CDH13: variants seen among roughly 807,000 people sequenced by gnomAD.
CDH13 encodes cadherin 13.
In CDH13, 24 loss-of-function variants were observed where a neutral mutation model predicts 63.8. That is an observed-to-expected ratio of 0.38 (90% confidence interval 0.27 to 0.53). CDH13 has a LOEUF of 0.53. Ranked by LOEUF, CDH13 falls within the 20% of genes least tolerant of loss-of-function variation. The probability of loss-of-function intolerance (pLI) is 0.85; values close to 1 mark genes in which losing one functional copy is unlikely to be tolerated. For missense variants in CDH13, 1,049 were observed against 903.1 expected (o/e 1.16, Z -2.07); for synonymous variants, 503 against 355.3 (o/e 1.42, Z -4.67).
chr16:83,012,707 A>T (rs1204610474), intron 2 of CDH13, among the ~76,000 whole-genome samples: 1 of 152,176 alleles, frequency 6.6e-6, no homozygotes, highest in African/African-American at 2.4e-5. Flanking sequence ...AAATTAAATT[A>T]TTCCTTTTGA....
chr16:83,241,560 A>G (rs568883711), intron 5 of CDH13, among the ~76,000 whole-genome samples: 1 of 152,148 alleles, frequency 6.6e-6, no homozygotes, highest in African/African-American at 2.4e-5. Context: ...TATGGTTTTG[A>G]TTTGCATTTC....
intron 1 of CDH13, 98 bp downstream of exon 1, chr16:82,627,235 C>G: frequency 9.4e-7 from 1 of 1,059,312 alleles, no homozygotes. Flanking sequence ...GGGTCGGGGC[C>G]TCCGGTCGCG....
chr16:83,293,738 G>C (rs778675449), intron 5 of CDH13, among the ~76,000 whole-genome samples: 52 of 152,148 alleles, frequency 3.4e-4, no homozygotes, highest in Non-Finnish European at 7.1e-4. Flanking sequence ...ACAAATTTTA[G>C]TCATGAACCG....
rs369072006 is a variant in CDH13, at chr16:83,014,842, GTA to G, written c.158-17158_158-17157del. Reference sequence around the variant, plus strand: ...TATATATATATTTGTATATATATTTGTATATATATATTTGTATATATATATGT... The same window carrying G: ...TATATATATATTTGTATATATATTTGTATATATATTTGTATATATATATGT... On this transcript the variant is annotated intron_variant, in intron 2 of 13. Coordinates refer to ENST00000567109, the MANE Select transcript of CDH13 (RefSeq NM_001257.5). Among the ~76,000 whole-genome samples the G allele has an allele frequency of 5.5e-3, 196 of 35,814 alleles. 2 individuals are homozygous for G. The East Asian group carries it at 0.072, about 13-fold the overall frequency. The allele number at this position is 35,814 out of a possible 152,430, so 23.5% of individuals were successfully genotyped here. A position where few individuals can be genotyped will look rare whatever the true frequency, so the allele number is the denominator to read the frequency against.
chr16:83,280,646 C>A (rs2089141871), intron 5 of CDH13, among the ~76,000 whole-genome samples: 1 of 152,010 alleles, frequency 6.6e-6, no homozygotes, highest in Non-Finnish European at 1.5e-5. Context: ...TTACTTTGCC[C>A]AGATCCATCA....
At chr16:83,101,713 G>T (rs2034487151) in intron 3 of CDH13, among the ~76,000 whole-genome samples, 1 of 152,206 alleles carries the variant, frequency 6.6e-6, no homozygotes. Context: ...ATAATCAATT[G>T]AACCTGGGAG....
At chr16:82,752,956 C>T (rs1221946798) in intron 1 of CDH13, among the ~76,000 whole-genome samples, 1 of 152,182 alleles carries the variant, frequency 6.6e-6, no homozygotes, top group Non-Finnish European at 1.5e-5. Context: ...AGATAACAGT[C>T]AAATACATTT....
intron 5 of CDH13, among the ~76,000 whole-genome samples, chr16:83,254,604 C>T (rs1279415192): frequency 6.6e-6 from 1 of 152,166 alleles, no homozygotes; most frequent in Non-Finnish European, 1.5e-5. Flanking sequence ...TTGTTTTTAT[C>T]TGCTTGTACT....
chr16:82,798,314 A>G (rs1408277883), intron 1 of CDH13, among the ~76,000 whole-genome samples: 1 of 152,124 alleles, frequency 6.6e-6, no homozygotes, highest in African/African-American at 2.4e-5. Context: ...TAATATTAGA[A>G]CTCAGGTCTG....
intron 8 of CDH13, chr16:83,655,364 G>C (rs1238682088): frequency 1.3e-5 from 2 of 152,288 alleles, no homozygotes; most frequent in African/African-American, 4.8e-5. Flanking sequence ...AAGTACCGAG[G>C]CTTACAGAGG....
chr16:82,775,579 T>G (rs550509319), intron 1 of CDH13, among the ~76,000 whole-genome samples: 1 of 152,130 alleles, frequency 6.6e-6, no homozygotes, highest in East Asian at 1.9e-4. Context: ...TACTCTGTTA[T>G]CCCCCATTTT....
intron 3 of CDH13, among the ~76,000 whole-genome samples, chr16:83,037,730 G>C (rs767018363): frequency 6.6e-6 from 1 of 152,184 alleles, no homozygotes; most frequent in South Asian, 2.1e-4. Flanking sequence ...CAGCATAGTG[G>C]TGGGAGTTTT....
chr16:83,575,701 T>A (rs1001094797), intron 7 of CDH13, among the ~76,000 whole-genome samples: 11 of 152,202 alleles, frequency 7.2e-5, no homozygotes, highest in African/African-American at 2.7e-4. Flanking sequence ...TTGAGAAGCT[T>A]CCTGGTCTCT....
At chr16:83,501,527 A>G (rs1365123058) in intron 7 of CDH13, among the ~76,000 whole-genome samples, 1 of 152,240 alleles carries the variant, frequency 6.6e-6, no homozygotes, top group East Asian at 1.9e-4. Context: ...TGTTGTGCTC[A>G]GCATTGGACA....
intron 6 of CDH13, among the ~76,000 whole-genome samples, chr16:83,447,974 G>A (rs2072761643): frequency 6.6e-6 from 1 of 151,956 alleles, no homozygotes; most frequent in African/African-American, 2.4e-5. Context: ...AGATTGCTCT[G>A]GGAGTTTTCA....
At chr16:82,694,836 G>C (rs1384408848) in intron 1 of CDH13, among the ~76,000 whole-genome samples, 1 of 152,214 alleles carries the variant, frequency 6.6e-6, no homozygotes, top group African/African-American at 2.4e-5. Context: ...AAAGTGGACA[G>C]CTGTGGTCTC....
chr16:83,666,850 C>G (rs1038680696), intron 8 of CDH13, among the ~76,000 whole-genome samples: 4 of 151,160 alleles, frequency 2.6e-5, no homozygotes, highest in South Asian at 2.1e-4. Context: ...CACACACACA[C>G]AGACTCCCCA....
intron 5 of CDH13, among the ~76,000 whole-genome samples, chr16:83,270,789 CT>C (rs1430294014): frequency 6.6e-6 from 1 of 150,608 alleles, no homozygotes; most frequent in Non-Finnish European, 1.5e-5. Flanking sequence ...TACAGATTTG[CT>C]TTTTTTGTTG....
At chr16:83,677,837 A>G (rs777680574) in intron 9 of CDH13, among the ~76,000 whole-genome samples, 1 of 152,048 alleles carries the variant, frequency 6.6e-6, no homozygotes, top group Non-Finnish European at 1.5e-5. Context: ...AGGCATCACC[A>G]TTGCCAGGGA....
Sources: gnomAD v4.1 joint callset for allele counts (sites outside exome capture counted in the v4.1 genomes callset) on GRCh38, gnomAD v4.1.1 for gene constraint, MANE v1.5 for transcripts, NCBI Gene and HGNC (gene_info 2026-07-23, HGNC 2026-07-21) for gene names.